The following WWOX variants were observed in gnomAD, a reference collection of about 807,000 sequenced individuals.
The protein encoded by WWOX is WW domain-containing oxidoreductase.
A neutral mutation model predicts 46.2 loss-of-function variants in WWOX; 69 were observed. That is an observed-to-expected ratio of 1.49 (90% CI 1.23 to 1.82). The LOEUF (loss-of-function observed/expected upper bound fraction) is 1.82, where lower values mean the gene tolerates loss of function less well. WWOX is among the 40% of genes most tolerant of loss of function. The probability of loss-of-function intolerance (pLI) is 0.00; values close to 1 mark genes in which losing one functional copy is unlikely to be tolerated. For synonymous variants in WWOX, 359 were observed against 202.6 expected (o/e 1.77, Z -6.56); for missense variants, 919 against 542.6 (o/e 1.69, Z -6.89).
chr16:78,220,974 T>A (rs1347115286), intron 5 of WWOX, among the ~76,000 whole-genome samples: 2 of 152,222 alleles, frequency 1.3e-5, no homozygotes, highest in Non-Finnish European at 2.9e-5. Context: ...TTTTAACCAT[T>A]TGATTCATAT....
chr16:78,321,291 CGT>C lies in WWOX; in HGVS notation c.517-65568_517-65567del, dbSNP rs1491361424. 3.4e-4 allele frequency among the ~76,000 whole-genome samples: 23 copies of C among 68,366 alleles called. 1 individual carries two copies. Among genetic ancestry groups the C allele is most frequent in the Admixed American group, 1.2e-3 (7 of 5,886 alleles). The allele number at this position is 68,366 out of a possible 152,430, so 44.9% of individuals were successfully genotyped here. A position where few individuals can be genotyped will look rare whatever the true frequency, so the allele number is the denominator to read the frequency against. On this transcript the variant is annotated intron_variant, in intron 5 of 8. Coordinates refer to ENST00000566780, the MANE Select transcript of WWOX (RefSeq NM_016373.4). The stretch of plus-strand genomic sequence containing the variant: ...TTAGTTTTTTAAATATATATATATA[CGT>C]ATATATATACGTATATATATGCGTA...
intron 8 of WWOX, among the ~76,000 whole-genome samples, chr16:78,894,701 A>G (rs776038804): frequency 6.6e-6 from 1 of 152,162 alleles, no homozygotes; most frequent in Non-Finnish European, 1.5e-5. Context: ...AACAATAGAG[A>G]GAATAGCATG....
chr16:79,188,840 A>G (rs2051071618), intron 8 of WWOX, among the ~76,000 whole-genome samples: 1 of 152,190 alleles, frequency 6.6e-6, no homozygotes, highest in Non-Finnish European at 1.5e-5. Flanking sequence ...CTCACCTTGC[A>G]TTTCTGTGGC....
intron 8 of WWOX, among the ~76,000 whole-genome samples, chr16:78,538,449 C>G (rs370468931): frequency 5.6e-4 from 86 of 152,262 alleles, no homozygotes; most frequent in African/African-American, 1.8e-3. Flanking sequence ...CGGCCACGGG[C>G]TTTCCCACTG....
At chr16:78,375,836 G>A (rs942331283) in intron 5 of WWOX, among the ~76,000 whole-genome samples, 36 of 149,918 alleles carry the variant, frequency 2.4e-4, no homozygotes, top group Non-Finnish European at 4.4e-4. Context: ...GAGAAACAAT[G>A]AGTAACATGT....
At chr16:79,199,049 G>T (rs1173868734) in intron 8 of WWOX, among the ~76,000 whole-genome samples, 3 of 152,140 alleles carry the variant, frequency 2.0e-5, no homozygotes, top group African/African-American at 4.8e-5. Context: ...TTGGGCTTCA[G>T]TCCCCGGTGT....
At chr16:78,438,296 C>A (rs977778785) in intron 8 of WWOX, among the ~76,000 whole-genome samples, 1 of 152,100 alleles carries the variant, frequency 6.6e-6, no homozygotes, top group Non-Finnish European at 1.5e-5. Context: ...AAATGATATA[C>A]CAGCCTTGTA....
chr16:78,762,381 G>T lies in WWOX; in HGVS notation c.1056+329629G>T, dbSNP rs576722198. Among the ~76,000 whole-genome samples the T allele has an allele frequency of 7.2e-5, 11 of 152,314 alleles. No homozygotes were observed. The South Asian group carries it at 2.3e-3, about 32-fold the overall frequency. Reference sequence around the variant, plus strand: ...GCCTGCTGAGTCTGAATTTTAACCAGAGTCTCTTGGTGACTCGTGTGTACT... The same window carrying T: ...GCCTGCTGAGTCTGAATTTTAACCATAGTCTCTTGGTGACTCGTGTGTACT... On this transcript the variant is annotated intron_variant, in intron 8 of 8. Coordinates refer to ENST00000566780, the MANE Select transcript of WWOX (RefSeq NM_016373.4).
At chr16:78,770,582 A>C (rs1017052568) in intron 8 of WWOX, among the ~76,000 whole-genome samples, 1 of 152,094 alleles carries the variant, frequency 6.6e-6, no homozygotes, top group Non-Finnish European at 1.5e-5. Flanking sequence ...CCAGGGAAGG[A>C]CGTCTGTGGG....
intron 8 of WWOX, among the ~76,000 whole-genome samples, chr16:78,937,749 T>C (rs2045771524): frequency 6.6e-6 from 1 of 152,060 alleles, no homozygotes; most frequent in South Asian, 2.1e-4. Context: ...CTCAGCCTCC[T>C]GAGTAGCTGG....
At position 78,225,661 on chromosome 16, in the gene WWOX, T is replaced by C. The variant is rs144776878; in HGVS notation, c.516+61372T>C. On this transcript the variant is annotated intron_variant, in intron 5 of 8. Coordinates refer to ENST00000566780, the MANE Select transcript of WWOX (RefSeq NM_016373.4). ...AAGGATCCAGCTGATTTTCTCCAGA[T>C]GAGTAGTTCATTGTCCCAACACCAG... 6.1e-4 allele frequency among the ~76,000 whole-genome samples: 93 copies of C among 152,304 alleles called. 4 individuals are homozygous for C. In the East Asian group the frequency reaches 0.018, roughly 29 times the overall value.
intron 8 of WWOX, among the ~76,000 whole-genome samples, chr16:78,933,608 C>A (rs1229264554): frequency 2.6e-5 from 4 of 152,230 alleles, no homozygotes; most frequent in East Asian, 3.9e-4. Flanking sequence ...CGAGACTGGG[C>A]AATTTACAAA....
intron 8 of WWOX, among the ~76,000 whole-genome samples, chr16:79,002,375 C>T (rs993394679): frequency 7.2e-5 from 11 of 151,906 alleles, no homozygotes; most frequent in Admixed American, 1.3e-4. Flanking sequence ...AGGTGCACAC[C>T]ACCATGCCCG....
intron 8 of WWOX, among the ~76,000 whole-genome samples, chr16:78,526,695 T>A (rs1050247513): frequency 2.6e-5 from 4 of 152,150 alleles, no homozygotes; most frequent in African/African-American, 9.6e-5. Context: ...GTGTCAAGAC[T>A]GCAGCCTTTG....
chr16:78,941,921 T>G (rs2045859559), intron 8 of WWOX, among the ~76,000 whole-genome samples: 1 of 152,196 alleles, frequency 6.6e-6, no homozygotes, highest in African/African-American at 2.4e-5. Flanking sequence ...GTTCTTTGGT[T>G]TTATTTTTTA....
rs191775774 is a variant in WWOX at position 78,670,733 on chromosome 16, A to T, written c.1056+237981A>T. 3.7e-3 allele frequency among the ~76,000 whole-genome samples: 563 copies of T among 152,282 alleles called. 12 individuals carry two copies. Among genetic ancestry groups the T allele is most frequent in the Non-Finnish European group, 1.6e-3 (106 of 68,022 alleles). On this transcript the variant is annotated intron_variant, in intron 8 of 8. Transcript: ENST00000566780. ...TGCCATCTTGCCCAGGCTAGTCTCA[A>T]ACTGTTGGGCTGAAGCAGTTCTCCT...
At chr16:78,673,502 C>G (rs775700502) in intron 8 of WWOX, among the ~76,000 whole-genome samples, 5 of 152,166 alleles carry the variant, frequency 3.3e-5, no homozygotes, top group Non-Finnish European at 5.9e-5. Context: ...AACTCACAGA[C>G]TAGTTACATC....
chr16:78,977,789 A>G (rs1444884693), intron 8 of WWOX, among the ~76,000 whole-genome samples: 1 of 152,152 alleles, frequency 6.6e-6, no homozygotes, highest in East Asian at 1.9e-4. Flanking sequence ...ATGCACTCCC[A>G]TCCCAGCCTC....
At chr16:78,161,297 A>G (rs2034785098) in intron 4 of WWOX, among the ~76,000 whole-genome samples, 1 of 152,106 alleles carries the variant, frequency 6.6e-6, no homozygotes, top group African/African-American at 2.4e-5. Context: ...TGACAGATAT[A>G]TTTGAGTTTG....
Sources: gnomAD v4.1 joint callset for allele counts (sites outside exome capture counted in the v4.1 genomes callset) on GRCh38, gnomAD v4.1.1 for gene constraint, MANE v1.5 for transcripts, NCBI Gene and HGNC (gene_info 2026-07-23, HGNC 2026-07-21) for gene names.